The following AIFM3 variants were observed in gnomAD, a reference collection of about 807,000 sequenced individuals.
AIFM3 encodes the protein AIF family member 3, also known as apoptosis-inducing factor 3.
In AIFM3, 71 loss-of-function variants were observed where a neutral mutation model predicts 82.7. That is an observed-to-expected ratio of 0.86 (90% confidence interval 0.71 to 1.05). The LOEUF (loss-of-function observed/expected upper bound fraction) is 1.05, where lower values mean the gene tolerates loss of function less well. AIFM3 is among the 50% of genes least tolerant of loss of function. The probability of loss-of-function intolerance (pLI) is 0.00; values close to 1 mark genes in which losing one functional copy is unlikely to be tolerated. For missense variants in AIFM3, 748 were observed against 816.7 expected, an observed-to-expected ratio of 0.92 and a Z score of 1.03; for synonymous variants, 337 against 329.1, an observed-to-expected ratio of 1.02 and a Z score of -0.26.
intron 8 of AIFM3, 94 bp from the exon 9 acceptor site, chr22:20,975,598 C>A (rs1051897183): frequency 8.1e-7 from 1 of 1,228,196 alleles, no homozygotes; most frequent in Non-Finnish European, 1.2e-6. Context: ...TTCTGTCCTG[C>A]AGCCCCTATG....
chr22:20,970,178 T>C lies in AIFM3; in HGVS notation c.31+2203T>C, dbSNP rs73879454. Among the ~76,000 whole-genome samples the C allele has an allele frequency of 3.9e-3, 587 of 152,330 alleles. 2 individuals are homozygous for C. The highest frequency in any genetic ancestry group is 0.013 in the African/African-American group (553 of 41,572). Reference sequence around the variant, plus strand: ...TGCTAGGAGGCTCAGAGCTAACTGGTAAAACACTGCTGCCCAACTCCATCT... The same window carrying C: ...TGCTAGGAGGCTCAGAGCTAACTGGCAAAACACTGCTGCCCAACTCCATCT... On this transcript the variant is annotated intron_variant, in intron 2 of 20. Coordinates refer to ENST00000440238, the MANE Select transcript of AIFM3 (RefSeq NM_001386814.1).
In AIFM3 at chr22:20,979,375, C is replaced by G; in HGVS notation, c.1576+6C>G. 3 of 1,550,878 alleles carry G rather than the reference C, an allele frequency of 1.9e-6. No individual in the cohort carries two copies. Among genetic ancestry groups the G allele is most frequent in the Non-Finnish European group, 2.6e-6 (3 of 1,147,366 alleles). ...CAAGAGCCTGCGCTACGCGGGTAAC[C>G]CCGGGGCCTCGGATGGGGGCGGGGC... On this transcript the variant is annotated splice_donor_region_variant and intron_variant, in intron 17 of 20. Coordinates refer to ENST00000440238, the MANE Select transcript of AIFM3 (RefSeq NM_001386814.1).
chr22:20,969,168 C>A (rs1367631985), intron 2 of AIFM3, among the ~76,000 whole-genome samples: 18 of 152,176 alleles, frequency 1.2e-4, no homozygotes, highest in Non-Finnish European at 2.9e-5. Context: ...TGGCAGGAGG[C>A]CCTGGCAGAA....
At position 20,980,057 on chromosome 22, in the gene AIFM3, G is replaced by C. The variant is rs758336620; in HGVS notation, c.1690G>C (p.Asp564His). The change falls in exon 19 of 21, where the codon GAT becomes CAT. Residue 564 changes from aspartate to histidine, a missense_variant. Around this residue, in one of 5 missense-constraint regions of AIFM3, gnomAD observed 183 missense variants for 158.2 expected, o/e 1.16. Coordinates refer to ENST00000440238, the MANE Select transcript of AIFM3 (RefSeq NM_001386814.1). ...GATCGCCGTGGCCAGCATGAACTAC[G>C]ATCCCATTGTGTCCAAGGTCGCTGA... is the stretch of plus-strand genomic sequence containing the variant. ...EVIAVASMNY[D>H]PIVSKVAEVL... 1.2e-6 allele frequency: 2 copies of C among 1,611,522 alleles called. No individual in the cohort carries two copies. The highest frequency in any genetic ancestry group is 1.7e-6 in the Non-Finnish European group (2 of 1,180,002).
chr22:20,979,799 C>G (rs1923966634), intron 18 of AIFM3, 97 bp downstream of exon 18: 1 of 1,454,668 alleles, frequency 6.9e-7, no homozygotes, highest in East Asian at 2.3e-5. Flanking sequence ...GAGCCCAGCC[C>G]TGAGCCCCGC....
At chr22:20,978,203 T>G (rs1269084481) in intron 16 of AIFM3, among the ~76,000 whole-genome samples, 198 bp downstream of exon 16, 1 of 150,236 alleles carries the variant, frequency 6.7e-6, no homozygotes. Context: ...CAGCCATAGC[T>G]CCTCAATCTC....
rs756414037 is a variant in AIFM3 at position 20,977,927 on chromosome 22, G to A, written c.1399G>A (p.Asp467Asn). The A allele has an allele frequency of 8.7e-6, 14 of 1,614,022 alleles. No individual in the cohort carries two copies. The highest frequency in any genetic ancestry group is 1.6e-4 in the Middle Eastern group (1 of 6,084). ...TGTCCCAGGCGTGTTTGCAGCTGGC[G>A]ATGCTGTCACCTTCCCCCTTGCCTG... ...TNVPGVFAAG[D>N]AVTFPLAWRN... Residue 467 changes from aspartate (D) to asparagine (N), a missense_variant, in exon 16 of 21, where the codon GAT (aspartate) becomes AAT (asparagine). Physicochemically the swap from Asp to Asn is conservative, Grantham distance 23. Transcript: ENST00000440238.
At chr22:20,979,798 C>A in intron 18 of AIFM3, 96 bp downstream of exon 18, 1 of 1,488,002 alleles carries the variant, frequency 6.7e-7, no homozygotes, top group Admixed American at 1.7e-5. Context: ...AGAGCCCAGC[C>A]CTGAGCCCCG....
At chr22:20,969,028 C>G (rs1053004443) in intron 2 of AIFM3, among the ~76,000 whole-genome samples, 1 of 152,218 alleles carries the variant, frequency 6.6e-6, no homozygotes, top group African/African-American at 2.4e-5. Context: ...GCTGTGGACA[C>G]CTAGGCCTGG....
intron 20 of AIFM3, 94 bp downstream of exon 20, chr22:20,980,861 C>T: frequency 6.2e-7 from 1 of 1,608,522 alleles, no homozygotes; most frequent in Non-Finnish European, 8.5e-7. Context: ...TCCAAGTACA[C>T]CTCCCTGCTG....
chr22:20,976,228 A>G lies in AIFM3; in HGVS notation c.821A>G (p.Asp274Gly). 6.2e-7 allele frequency: 1 copy of G among 1,613,626 alleles called. No homozygotes were observed. The change falls in exon 10 of 21, where the codon GAC (aspartate) becomes GGC (glycine). Residue 274 changes from aspartate (D) to glycine (G), a missense_variant. By Grantham distance (94) the Asp-to-Gly change is moderately conservative. Around this residue, in one of 5 missense-constraint regions of AIFM3, gnomAD observed 393 missense variants for 481.1 expected, o/e 0.82. Transcript: ENST00000440238. The part of the protein sequence containing the change: ...VLTEAQVVTV[D>G]VRTKKVVFKD... Reference sequence around the variant, plus strand: ...TGGGGATTGCAGGTGGTCACAGTGGACGTGAGAACTAAGAAGGTCGTGTTC... The same window carrying G: ...TGGGGATTGCAGGTGGTCACAGTGGGCGTGAGAACTAAGAAGGTCGTGTTC...
chr22:20,980,335 T>G (rs1281404168), intron 19 of AIFM3: 5 of 606,678 alleles, frequency 8.2e-6, no homozygotes, highest in Non-Finnish European at 1.5e-5. Context: ...ATGGAAGGGA[T>G]AGAGATGTGT....
intron 9 of AIFM3, 78 bp downstream of exon 9, chr22:20,975,856 G>A: frequency 1.3e-6 from 2 of 1,508,182 alleles, no homozygotes; most frequent in Middle Eastern, 1.7e-4. Context: ...CTGGGGTGGG[G>A]TCTTGGTGCT....
Position 20,974,295 on chromosome 22 carries a change from A to C in AIFM3, c.509A>C (p.Gln170Pro). ...KEKVYVRASK[Q>P]ALQLQRRTKV... ...AAGGTGTACGTCCGGGCCAGCAAGC[A>C]GGTGAGGGGATAGCTCGGGGCTCAG... The change falls in exon 6 of 21, where the codon CAG becomes CCG. Residue 170 changes from glutamine to proline, a missense_variant and splice_region_variant. By Grantham distance (76) the Gln-to-Pro change is moderately conservative. This residue lies in a region of AIFM3 where 393 missense variants were observed against 481.1 expected (regional missense o/e 0.82). Coordinates refer to ENST00000440238, the MANE Select transcript of AIFM3 (RefSeq NM_001386814.1). 4.3e-6 allele frequency: 7 copies of C among 1,613,488 alleles called. No homozygotes were observed. Among genetic ancestry groups the C allele is most frequent in the Non-Finnish European group, 5.9e-6 (7 of 1,179,934 alleles).
At position 20,974,733 on chromosome 22, in the gene AIFM3, C is replaced by G; in HGVS notation, c.637C>G (p.Leu213Val). Residue 213 changes from leucine to valine, a missense_variant, in exon 8 of 21, where the codon CTG becomes GTG. Around this residue, in one of 5 missense-constraint regions of AIFM3, gnomAD observed 393 missense variants for 481.1 expected, o/e 0.82. Coordinates refer to ENST00000440238, the MANE Select transcript of AIFM3 (RefSeq NM_001386814.1). ...GAAGLVCAET[L>V]RQEGFSDRIV... ...AGCTGGCCTGGTGTGTGCAGAGACA[C>G]TGCGGCAGGAGGGCTTCTCCGACCG... The G allele has an allele frequency of 1.9e-6, 3 of 1,614,064 alleles. No individual in the cohort carries two copies. The highest frequency in any genetic ancestry group is 2.5e-6 in the Non-Finnish European group (3 of 1,180,004).
chr22:20,976,318 T>C lies in AIFM3; in HGVS notation c.899+12T>C. The C allele has an allele frequency of 6.2e-7, 1 of 1,613,932 alleles. No individual in the cohort carries two copies. Among genetic ancestry groups the C allele is most frequent in the Non-Finnish European group, 8.5e-7 (1 of 1,180,028 alleles). On this transcript the variant is annotated intron_variant, in intron 10 of 20. Transcript: ENST00000440238. ...GCACCAGGGAGCAGGTGGGAGGGTC[T>C]CCTTTTTACCCATCGGACACTAGGC...
intron 2 of AIFM3, among the ~76,000 whole-genome samples, chr22:20,969,484 C>T (rs948067548): frequency 1.8e-4 from 27 of 152,114 alleles, no homozygotes; most frequent in Non-Finnish European, 3.7e-4. Flanking sequence ...TGCTGGAGTG[C>T]AGTGGCGTGA....
intron 2 of AIFM3, 125 bp from the exon 3 acceptor site, chr22:20,973,182 T>TG (rs1923379929): frequency 9.0e-7 from 1 of 1,112,012 alleles, no homozygotes. Context: ...GAGGGAATTC[T>TG]GGGGAGGTTG....
chr22:20,965,594 G>A (rs1421804454), upstream of AIFM3: 1 of 152,600 alleles, frequency 6.6e-6, no homozygotes, highest in East Asian at 1.9e-4. Context: ...AGCTCCGTGG[G>A]GGAGGGGAGA....
Sources: gnomAD v4.1 joint callset for allele counts (sites outside exome capture counted in the v4.1 genomes callset) on GRCh38, gnomAD v4.1.1 for gene constraint, gnomAD v4.1.1 regional missense constraint, MANE v1.5 for transcripts, NCBI Gene and HGNC (gene_info 2026-07-23, HGNC 2026-07-21) for gene names.